The following SLC22A11 variants were observed in gnomAD, a reference collection of about 807,000 sequenced individuals.
The protein encoded by SLC22A11 is solute carrier family 22 member 11, also known as organic anion transporter 4.
A neutral mutation model predicts 49.4 loss-of-function variants in SLC22A11; 42 were observed. That is an observed-to-expected ratio of 0.85 (90% CI 0.66 to 1.10). The LOEUF (loss-of-function observed/expected upper bound fraction) is 1.10. SLC22A11 is among the 50% of genes least tolerant of loss of function. The pLI is 0.00. For synonymous variants in SLC22A11, 304 were observed against 315.8 expected (o/e 0.96, Z 0.40); for missense variants, 685 against 731.6 (o/e 0.94, Z 0.74).
At position 64,569,845 on chromosome 11, in the gene SLC22A11, G is replaced by A; in HGVS notation, c.1576G>A (p.Asp526Asn). The A allele has an allele frequency of 6.2e-7, 1 of 1,613,096 alleles. No individual in the cohort carries two copies. The highest frequency in any genetic ancestry group is 8.5e-7 in the Non-Finnish European group (1 of 1,180,012). Residue 526 changes from aspartate (D) to asparagine (N), a missense_variant, in exon 9 of 10, where the codon GAC becomes AAC. By Grantham distance (23) the Asp-to-Asn change is conservative (BLOSUM62 1). Coordinates refer to ENST00000301891, the MANE Select transcript of SLC22A11 (RefSeq NM_018484.4). ...QGLPLPDTIQDLESQKSTAAQ... is the reference protein window; with the variant it reads ...QGLPLPDTIQNLESQKSTAAQ... ...ACTTCCGCTCCCTGACACTATCCAG[G>A]ACCTGGAGAGCCAGTGAGTGACCTG...
intron 6 of SLC22A11, chr11:64,566,268 G>C (rs2135424961): frequency 6.6e-6 from 1 of 152,026 alleles, no homozygotes; most frequent in African/African-American, 2.4e-5. Context: ...AAAACCTAAG[G>C]ACCTGGTTTG....
In SLC22A11 at chr11:64,564,204, C is replaced by T; in HGVS notation, c.822-104C>T. ...AGCGGCACAGAAGCATGTGCTTCCT[C>T]ATCACTCATCTCAGCTGGAGGGTCC... is the stretch of plus-strand genomic sequence containing the variant. On this transcript the variant is annotated intron_variant, in intron 4 of 9. Transcript: ENST00000301891. The surrounding 1 kb of genome is among the most constrained non-coding windows in gnomAD (Gnocchi z 4.2). 2 of 1,421,238 alleles carry T rather than the reference C, an allele frequency of 1.4e-6. No individual in the cohort carries two copies. Among genetic ancestry groups the T allele is most frequent in the East Asian group, 4.7e-5 (2 of 42,580 alleles). The allele number at this position is 1,421,238 out of a possible 1,614,324, so 88.0% of individuals were successfully genotyped here.
intron 4 of SLC22A11, among the ~76,000 whole-genome samples, chr11:64,563,609 C>CCAAAAAAA (rs2038580615): frequency 6.1e-5 from 1 of 16,406 alleles, no homozygotes; most frequent in Non-Finnish European, 1.5e-4. Flanking sequence ...TTTAAATGTG[C>CCAAAAAAA]TAAAAAAAAA....
chr11:64,571,177 T>G lies in SLC22A11; in HGVS notation c.*135T>G, dbSNP rs1276988941. 1.1e-6 allele frequency: 1 copy of G among 885,614 alleles called. No homozygotes were observed. Among genetic ancestry groups the G allele is most frequent in the Non-Finnish European group, 1.8e-6 (1 of 556,552 alleles). The allele number at this position is 885,614 out of a possible 1,614,324, so 54.9% of individuals were successfully genotyped here. A position where few individuals can be genotyped will look rare whatever the true frequency, so the allele number is the denominator to read the frequency against. ...CAGAGGCCAGGCAGCCGTGGCCGAGTGGACAGCGTGGCCGTCTGCTGTGGC... is the reference window on the plus strand; with the variant it reads ...CAGAGGCCAGGCAGCCGTGGCCGAGGGGACAGCGTGGCCGTCTGCTGTGGC... On this transcript the variant is annotated 3_prime_UTR_variant, in exon 10 of 10. Transcript: ENST00000301891.
intron 6 of SLC22A11, chr11:64,566,824 C>A (rs2038632249): frequency 1.3e-5 from 2 of 152,230 alleles, no homozygotes; most frequent in Admixed American, 1.3e-4. Flanking sequence ...AGGGAGAGCA[C>A]AGATTTTAAA....
Position 64,556,399 on chromosome 11 carries a change from C to A in SLC22A11, c.393+7C>A. 6.2e-7 allele frequency: 1 copy of A among 1,609,252 alleles called. No homozygotes were observed. Among genetic ancestry groups the A allele is most frequent in the Non-Finnish European group, 8.5e-7 (1 of 1,179,930 alleles). On this transcript the variant is annotated splice_region_variant and intron_variant, in intron 1 of 9. Transcript: ENST00000301891. ...CTCCACCATCGTGGCCAAGGTAGGGCCTCCCCCAGAGCCACTCGAGTCCCG... is the reference window on the plus strand; with the variant it reads ...CTCCACCATCGTGGCCAAGGTAGGGACTCCCCCAGAGCCACTCGAGTCCCG...
Position 64,571,570 on chromosome 11 carries a change from A to G in SLC22A11, c.*528A>G, listed in dbSNP as rs1252685228. On this transcript the variant is annotated 3_prime_UTR_variant, in exon 10 of 10. Coordinates refer to ENST00000301891, the MANE Select transcript of SLC22A11 (RefSeq NM_018484.4). ...TGCACTGGCCCGAGGCACGCAGCCA[A>G]GGAGGCGTGTGGGGTCTGAAACTCA... The G allele has an allele frequency of 1.3e-5, 2 of 154,430 alleles. No individual in the cohort carries two copies. The highest frequency in any genetic ancestry group is 6.4e-5 in the Admixed American group (1 of 15,588). 9.6% of individuals were successfully genotyped at this position (154,430 alleles called of 1,614,324 possible). A position where few individuals can be genotyped will look rare whatever the true frequency, so the allele number is the denominator to read the frequency against.
At chr11:64,557,979 G>A (rs975558272) in intron 1 of SLC22A11, among the ~76,000 whole-genome samples, 4 of 152,002 alleles carry the variant, frequency 2.6e-5, no homozygotes. Context: ...TGTATTTTTA[G>A]TAGAGAAGGG....
chr11:64,560,747 A>G (rs1315072013), intron 2 of SLC22A11, among the ~76,000 whole-genome samples: 1 of 152,186 alleles, frequency 6.6e-6, no homozygotes, highest in African/African-American at 2.4e-5. Flanking sequence ...ACAGGGACCC[A>G]GGGACTGTGC....
chr11:64,557,821 T>C (rs2038484881), intron 1 of SLC22A11, among the ~76,000 whole-genome samples: 1 of 144,276 alleles, frequency 6.9e-6, no homozygotes, highest in South Asian at 2.2e-4. Context: ...TTTTTGAGAC[T>C]GAGTCTCGCT....
At chr11:64,558,449 G>C (rs2038493816) in intron 1 of SLC22A11, among the ~76,000 whole-genome samples, 1 of 152,214 alleles carries the variant, frequency 6.6e-6, no homozygotes, top group African/African-American at 2.4e-5. Context: ...CTCAGTGGAG[G>C]ACGGACTTGG....
intron 4 of SLC22A11, among the ~76,000 whole-genome samples, chr11:64,563,610 T>TAACAAAAAAAAAA (rs2038581004): frequency 2.3e-5 from 1 of 43,842 alleles, no homozygotes. Flanking sequence ...TTAAATGTGC[T>TAACAAAAAAAAAA]AAAAAAAAAA....
intron 2 of SLC22A11, among the ~76,000 whole-genome samples, chr11:64,560,964 T>G (rs1009906648): frequency 6.6e-6 from 1 of 152,204 alleles, no homozygotes; most frequent in Non-Finnish European, 1.5e-5. Flanking sequence ...TGGGCCTCAG[T>G]TTCCCCCCAG....
rs2038615837 is a variant in SLC22A11 at position 64,565,688 on chromosome 11, T to C, written c.1058+351T>C. 2 of 398,986 alleles carry C rather than the reference T, an allele frequency of 5.0e-6. No individual in the cohort carries two copies. The highest frequency in any genetic ancestry group is 9.9e-6 in the Non-Finnish European group (2 of 202,402). 24.7% of individuals were successfully genotyped at this position (398,986 alleles called of 1,614,324 possible). A position where few individuals can be genotyped will look rare whatever the true frequency, so the allele number is the denominator to read the frequency against. On this transcript the variant is annotated intron_variant, in intron 6 of 9. Coordinates refer to ENST00000301891, the MANE Select transcript of SLC22A11 (RefSeq NM_018484.4). This position sits in a 1 kb window ranked among gnomAD's most constrained non-coding sequence, Gnocchi z 4.1. Reference sequence around the variant, plus strand: ...GGCCGAGGAGTACCACTGTGTGTCATCGTTAGAGACTTACCACTTTCCTAG... The same window carrying C: ...GGCCGAGGAGTACCACTGTGTGTCACCGTTAGAGACTTACCACTTTCCTAG...
Position 64,556,313 on chromosome 11 carries a change from G to A in SLC22A11, c.314G>A (p.Trp105Ter), listed in dbSNP as rs770113607. 5 of 1,613,574 alleles carry A rather than the reference G, an allele frequency of 3.1e-6. No individual in the cohort carries two copies. Among genetic ancestry groups the A allele is most frequent in the Non-Finnish European group, 3.4e-6 (4 of 1,180,020 alleles). Residue 105 changes from tryptophan (W) to a stop codon, truncating the protein, a stop_gained, in exon 1 of 10, where the codon TGG becomes TAG. Coordinates refer to ENST00000301891, the MANE Select transcript of SLC22A11 (RefSeq NM_018484.4). LOFTEE classifies it high-confidence loss of function. ...GACCCCAATGCCACGGCCACCAGCT[G>A]GAGCGAAGCTGACACGGAGCCGTGT... ...LLDPNATATS[W>*]SEADTEPCVD...
rs751340166 is a variant in SLC22A11 at position 64,568,766 on chromosome 11, C to T, written c.1370C>T (p.Pro457Leu). ...CLTIYKAELFPTPVRMTADGI... is the reference protein window; with the variant it reads ...CLTIYKAELFLTPVRMTADGI... ...ACCATCTACAAGGCTGAACTCTTTC[C>T]AACGCCAGTGCGGTAAGCTGGGCTG... Residue 457 changes from proline to leucine, a missense_variant, in exon 8 of 10, where the codon CCA (proline) becomes CTA (leucine). Pro to Leu is a moderately conservative substitution (Grantham distance 98). Transcript: ENST00000301891. 3 of 1,613,854 alleles carry T rather than the reference C, an allele frequency of 1.9e-6. No individual in the cohort carries two copies. The South Asian group carries it at 3.3e-5, about 18-fold the overall frequency.
rs949939001 is a variant in SLC22A11, at chr11:64,565,108, G to A, written c.943-114G>A. ...CCTAGGGATCCAGCTTCCAGAGGCC[G>A]AGGCCCAGGACAGGCTCCCCGTCAC... On this transcript the variant is annotated intron_variant, in intron 5 of 9. Transcript: ENST00000301891. This position sits in a 1 kb window ranked among gnomAD's most constrained non-coding sequence, Gnocchi z 4.1. 15 of 793,148 alleles carry A rather than the reference G, an allele frequency of 1.9e-5. No individual in the cohort carries two copies. The highest frequency in any genetic ancestry group is 3.8e-4 in the Middle Eastern group (1 of 2,646). The allele number at this position is 793,148 out of a possible 1,614,324, so 49.1% of individuals were successfully genotyped here.
At chr11:64,569,228 G>A (rs1423334344) in intron 8 of SLC22A11, among the ~76,000 whole-genome samples, 2 of 152,206 alleles carry the variant, frequency 1.3e-5, no homozygotes, top group South Asian at 2.1e-4. Flanking sequence ...GAGGCTCGGG[G>A]TGAAGGACTG....
In SLC22A11 at chr11:64,571,062, C is replaced by G; in HGVS notation, c.*20C>G. 1 of 1,613,804 alleles carries G rather than the reference C, an allele frequency of 6.2e-7. No individual in the cohort carries two copies. The highest frequency in any genetic ancestry group is 8.5e-7 in the Non-Finnish European group (1 of 1,179,680). On this transcript the variant is annotated 3_prime_UTR_variant, in exon 10 of 10. Coordinates refer to ENST00000301891, the MANE Select transcript of SLC22A11 (RefSeq NM_018484.4). ...CTCTAGAAATTGTGCCTGCATGGAG[C>G]CCCTTTAGTCAAAGACTCCTGGAAA... is the stretch of plus-strand genomic sequence containing the variant.
Sources: allele counts gnomAD v4.1 joint callset (sites outside exome capture counted in the v4.1 genomes callset), GRCh38; gene constraint gnomAD v4.1.1; non-coding constraint Gnocchi (gnomAD v3.1); transcripts MANE v1.5; gene names NCBI Gene and HGNC (gene_info 2026-07-23, HGNC 2026-07-21).